Variants in CENPE observed in about 807,000 individuals in gnomAD.
CENPE encodes centromere protein E.
CENPE carries 145 observed loss-of-function variants against 336.1 expected under a neutral mutation model. The ratio of observed to expected loss-of-function variants is 0.43; its 90% CI spans 0.38 to 0.50. The LOEUF is 0.50. Among genes scored for constraint, CENPE ranks in the 20% least tolerant of loss-of-function variants. CENPE has a pLI of 0.00. For synonymous variants in CENPE, 1,013 were observed against 984.8 expected (o/e 1.03, Z -0.54); for missense variants, 2,719 against 3,023.3 (o/e 0.90, Z 2.36).
chr4:103,141,194 A>G (rs1752528709), intron 35 of CENPE, 90 bp from the exon 36 acceptor site: 1 of 751,642 alleles, frequency 1.3e-6, no homozygotes, highest in Admixed American at 3.0e-5. Context: ...CTGTCTACCC[A>G]TGTTACTCTC....
chr4:103,149,022 A>C (rs767103225), intron 27 of CENPE, 23 bp from the exon 28 acceptor site: 11 of 1,604,754 alleles, frequency 6.9e-6, no homozygotes, highest in African/African-American at 1.4e-5. Context: ...AATTTAAAGA[A>C]TATTGTAATA....
At chr4:103,114,871 G>C (rs1749940207) in intron 45 of CENPE, among the ~76,000 whole-genome samples, 1 of 152,074 alleles carries the variant, frequency 6.6e-6, no homozygotes, top group Non-Finnish European at 1.5e-5. Flanking sequence ...TTTTACCATG[G>C]GGTCCTAGAA....
At chr4:103,164,513 A>G (rs1166776224) in intron 16 of CENPE, among the ~76,000 whole-genome samples, 1 of 151,990 alleles carries the variant, frequency 6.6e-6, no homozygotes, top group Non-Finnish European at 1.5e-5. Context: ...AGAGAAACAT[A>G]ATGTCAGACA....
chr4:103,165,508 A>C (rs1369451718), intron 16 of CENPE, among the ~76,000 whole-genome samples: 1 of 152,164 alleles, frequency 6.6e-6, no homozygotes, highest in African/African-American at 2.4e-5. Context: ...TCCTAAGGCC[A>C]ATTTGACTTT....
At chr4:103,112,805 TAA>T (rs1749627989) in intron 46 of CENPE, among the ~76,000 whole-genome samples, 1 of 46,478 alleles carries the variant, frequency 2.2e-5, no homozygotes, top group Admixed American at 2.8e-4. Context: ...TATAAGTATA[TAA>T]GTGTATATAT....
At position 103,145,190 on chromosome 4, in the gene CENPE, C is replaced by T. The variant is rs777111000; in HGVS notation, c.4717G>A (p.Glu1573Lys). ...ALQSIESKML[E>K]LTNRLQESQE... is the part of the protein sequence containing the mutation. ...CTTTCTTGAAGTCTGTTGGTCAACT[C>T]GAGCATCTTACTTTCTATACTTTGT... The change falls in exon 32 of 49, where the codon GAG (glutamate) becomes AAG (lysine). Residue 1573 changes from glutamate (E) to lysine (K), a missense_variant. This residue lies in a region of CENPE where 2,437 missense variants were observed against 2,513.3 expected (regional missense o/e 0.97). Transcript: ENST00000265148. 2.2e-5 allele frequency: 36 copies of T among 1,613,410 alleles called. No homozygotes were observed. Among genetic ancestry groups the T allele is most frequent in the Non-Finnish European group, 2.7e-5 (32 of 1,179,794 alleles).
At chr4:103,113,229 T>C (rs1172015819) in intron 46 of CENPE, among the ~76,000 whole-genome samples, 2 of 135,428 alleles carry the variant, frequency 1.5e-5, no homozygotes, top group Non-Finnish European at 3.2e-5. Context: ...TTTAAGTATA[T>C]GTGTATATAT....
chr4:103,177,929 C>T (rs1020326669), intron 13 of CENPE, among the ~76,000 whole-genome samples: 7 of 151,996 alleles, frequency 4.6e-5, no homozygotes, highest in Non-Finnish European at 8.8e-5. Context: ...ATAAACTAGA[C>T]CTCTTGCTCT....
intron 8 of CENPE, 54 bp from the exon 9 acceptor site, chr4:103,185,915 T>C: frequency 4.2e-6 from 5 of 1,198,390 alleles, no homozygotes; most frequent in Non-Finnish European, 4.9e-6. Flanking sequence ...AATAATAAAA[T>C]TCAAACTACT....
chr4:103,161,595 G>T, intron 18 of CENPE, 138 bp from the exon 19 acceptor site: 1 of 666,200 alleles, frequency 1.5e-6, no homozygotes, highest in Admixed American at 3.6e-5. Context: ...TATATAAAAA[G>T]AAATAATGTT....
At chr4:103,171,520 A>C (rs1755408390) in intron 16 of CENPE, among the ~76,000 whole-genome samples, 1 of 152,052 alleles carries the variant, frequency 6.6e-6, no homozygotes, top group African/African-American at 2.4e-5. Context: ...AAGCAGTTCT[A>C]AAAGAGAAGT....
At chr4:103,150,279 A>G (rs1271419389) in intron 26 of CENPE, among the ~76,000 whole-genome samples, 1 of 152,058 alleles carries the variant, frequency 6.6e-6, no homozygotes, top group Non-Finnish European at 1.5e-5. Flanking sequence ...TTAAAAGAAA[A>G]CACATATTAA....
chr4:103,189,632 G>A (rs1223201884), intron 8 of CENPE, among the ~76,000 whole-genome samples: 4 of 152,104 alleles, frequency 2.6e-5, no homozygotes, highest in Non-Finnish European at 4.4e-5. Flanking sequence ...GGTATTGATG[G>A]GACGTATCTC....
chr4:103,125,977 G>A (rs747646872), intron 42 of CENPE, among the ~76,000 whole-genome samples: 5 of 152,000 alleles, frequency 3.3e-5, no homozygotes, highest in Non-Finnish European at 5.9e-5. Context: ...GCAGGGCAAA[G>A]GGATGCTCCC....
rs75612467 is a variant in CENPE at position 103,130,795 on chromosome 4, A to G, written c.6924+1898T>C. Among the ~76,000 whole-genome samples, 395 of 152,258 alleles carry G rather than the reference A, an allele frequency of 2.6e-3. 1 individual carries two copies. Among genetic ancestry groups the G allele is most frequent in the African/African-American group, 8.8e-3 (367 of 41,552 alleles). Reference sequence around the variant, plus strand: ...TTCCAGATTTGCTATAAATGAAAGAACAAATAGATCAATGGAATAGAATAG... The same window carrying G: ...TTCCAGATTTGCTATAAATGAAAGAGCAAATAGATCAATGGAATAGAATAG... On this transcript the variant is annotated intron_variant, in intron 42 of 48. Coordinates refer to ENST00000265148, the MANE Select transcript of CENPE (RefSeq NM_001813.3).
rs759596606 is a variant in CENPE at position 103,185,792 on chromosome 4, T to C, written c.745+18A>G. 6.3e-7 allele frequency: 1 copy of C among 1,589,350 alleles called. No homozygotes were observed. Among genetic ancestry groups the C allele is most frequent in the Non-Finnish European group, 8.6e-7 (1 of 1,163,516 alleles). Reference sequence around the variant, plus strand: ...TAGGAAGACATTAAGACTAACATATTTCATGAGTTTTAATTACCTGCAGCG... The same window carrying C: ...TAGGAAGACATTAAGACTAACATATCTCATGAGTTTTAATTACCTGCAGCG... On this transcript the variant is annotated intron_variant, in intron 9 of 48. Transcript: ENST00000265148.
intron 8 of CENPE, among the ~76,000 whole-genome samples, chr4:103,186,460 A>G (rs1436937467): frequency 6.6e-6 from 1 of 152,176 alleles, no homozygotes; most frequent in East Asian, 1.9e-4. Flanking sequence ...TATAGCACTT[A>G]TTTTGTTGGG....
chr4:103,114,358 C>G (rs773191372), intron 46 of CENPE, 97 bp downstream of exon 46: 1 of 685,634 alleles, frequency 1.5e-6, no homozygotes, highest in Non-Finnish European at 2.5e-6. Context: ...CTTCTGTTTA[C>G]TCTCGACTGT....
Position 103,178,711 on chromosome 4 carries a change from G to A in CENPE, c.1242+1600C>T, listed in dbSNP as rs893965615. On this transcript the variant is annotated intron_variant, in intron 13 of 48. Coordinates refer to ENST00000265148, the MANE Select transcript of CENPE (RefSeq NM_001813.3). Reference sequence around the variant, plus strand: ...TAACTTCTCAGCAGAATATGACACTGCTGACCACTACCTCCCTGAAATATT... The same window carrying A: ...TAACTTCTCAGCAGAATATGACACTACTGACCACTACCTCCCTGAAATATT... 2.6e-5 allele frequency among the ~76,000 whole-genome samples: 4 copies of A among 152,220 alleles called. No individual in the cohort carries two copies. In the South Asian group the frequency reaches 8.3e-4, roughly 32 times the overall value.
Sources: gnomAD v4.1 joint callset for allele counts (sites outside exome capture counted in the v4.1 genomes callset) on GRCh38, gnomAD v4.1.1 for gene constraint, gnomAD v4.1.1 regional missense constraint, MANE v1.5 for transcripts, NCBI Gene and HGNC (gene_info 2026-07-23, HGNC 2026-07-21) for gene names.